The following NRCAM variants were observed in gnomAD, a reference collection of about 807,000 sequenced individuals.
The protein encoded by NRCAM is neuronal cell adhesion molecule.
In NRCAM, 83 loss-of-function variants were observed where a neutral mutation model predicts 156.5. The observed-to-expected ratio is 0.53, with a 90% CI of 0.44 to 0.64. The LOEUF (loss-of-function observed/expected upper bound fraction) is 0.64. Ranked by LOEUF, NRCAM falls within the 30% of genes least tolerant of loss-of-function variation. The probability of loss-of-function intolerance (pLI) is 0.00; values close to 1 mark genes in which losing one functional copy is unlikely to be tolerated. For synonymous variants in NRCAM, 538 were observed against 563.9 expected (o/e 0.95, Z 0.65); for missense variants, 1,417 against 1,597.3 (o/e 0.89, Z 1.92).
rs2065476783 is a variant in NRCAM at position 108,184,448 on chromosome 7, C to T, written c.2202G>A (p.Glu734=). The T allele has an allele frequency of 6.8e-6, 11 of 1,614,182 alleles. No individual in the cohort carries two copies. The highest frequency in any genetic ancestry group is 9.3e-6 in the Non-Finnish European group (11 of 1,180,036). The change falls in exon 21 of 33, where the codon GAG becomes GAA. Residue 734 remains glutamate, a synonymous_variant. Coordinates refer to ENST00000379028, the MANE Select transcript of NRCAM (RefSeq NM_001037132.4). ...CTTTCGTCAAATACTGCTCAGACGC[C>T]TCGCTGGGCAAGCTCTTCCCAATGC... The part of the protein sequence containing the change: ...VNSIGKSLPS[E]ASEQYLTKAS...
chr7:108,295,899 G>A (rs1021250407), intron 3 of NRCAM, among the ~76,000 whole-genome samples: 12 of 152,146 alleles, frequency 7.9e-5, no homozygotes, highest in Non-Finnish European at 1.3e-4. Context: ...TGAGGAACAG[G>A]GGCTCTGGAG....
intron 2 of NRCAM, among the ~76,000 whole-genome samples, chr7:108,395,210 C>T (rs2099773477): frequency 6.6e-6 from 1 of 152,226 alleles, no homozygotes; most frequent in South Asian, 2.1e-4. Flanking sequence ...TCACCATTCT[C>T]ATTTTCATGA....
intron 3 of NRCAM, among the ~76,000 whole-genome samples, chr7:108,259,731 A>T (rs1339462869): frequency 1.3e-5 from 2 of 152,238 alleles, no homozygotes; most frequent in Non-Finnish European, 2.9e-5. Context: ...TCCTCAGTAA[A>T]CTACTGCAGG....
At chr7:108,176,210 A>G (rs77261301) in intron 27 of NRCAM, among the ~76,000 whole-genome samples, 7,856 of 152,264 alleles carry the variant, frequency 0.052, 261 homozygotes, top group Middle Eastern at 0.085. Flanking sequence ...CCACACTAAG[A>G]TTTTAATGTA....
At position 108,181,930 on chromosome 7, in the gene NRCAM, C is replaced by A; in HGVS notation, c.2538G>T (p.Met846Ile). ...TCACACGCACGTTCCCAGGAGCCAC[C>A]ATTGGGACTAGGAAAAGGACAGGGA... ...VMGHSGEDLPMVAPGNVRVNV... is the reference protein window; with the variant it reads ...VMGHSGEDLPIVAPGNVRVNV... The change falls in exon 24 of 33, where the codon ATG (methionine) becomes ATT (isoleucine). Residue 846 changes from methionine to isoleucine, a missense_variant. Physicochemically the swap from Met to Ile is conservative, Grantham distance 10. Coordinates refer to ENST00000379028, the MANE Select transcript of NRCAM (RefSeq NM_001037132.4). 6.2e-7 allele frequency: 1 copy of A among 1,612,028 alleles called. No individual in the cohort carries two copies. Among genetic ancestry groups the A allele is most frequent in the Non-Finnish European group, 8.5e-7 (1 of 1,178,262 alleles).
intron 2 of NRCAM, among the ~76,000 whole-genome samples, chr7:108,333,114 A>T (rs532319868): frequency 1.3e-5 from 2 of 152,252 alleles, no homozygotes; most frequent in Admixed American, 1.3e-4. Flanking sequence ...AGAGCAAATA[A>T]TTTCCATTTA....
chr7:108,302,888 CAT>C (rs2098649592), intron 3 of NRCAM, among the ~76,000 whole-genome samples: 1 of 152,162 alleles, frequency 6.6e-6, no homozygotes, highest in African/African-American at 2.4e-5. Context: ...CACAATTAGA[CAT>C]ATTTTAAACA....
intron 3 of NRCAM, among the ~76,000 whole-genome samples, chr7:108,280,447 T>C (rs1269675): frequency 5.3e-5 from 8 of 152,240 alleles, no homozygotes; most frequent in Non-Finnish European, 7.3e-5. Context: ...TGCTATTCAA[T>C]TGTGCTACAA....
Position 108,232,322 on chromosome 7 carries a change from T to C in NRCAM, c.427+4A>G. ...GTCATGTTGGTTGACAAGTTTCCAC[T>C]TACTGGATGGGCGGACAACAATGTT... On this transcript the variant is annotated splice_donor_region_variant and intron_variant, in intron 7 of 32. Transcript: ENST00000379028. 6.3e-7 allele frequency: 1 copy of C among 1,592,034 alleles called. No individual in the cohort carries two copies. Among genetic ancestry groups the C allele is most frequent in the Non-Finnish European group, 8.5e-7 (1 of 1,170,868 alleles).
intron 4 of NRCAM, among the ~76,000 whole-genome samples, chr7:108,238,422 G>A (rs931291994): frequency 1.3e-5 from 2 of 152,172 alleles, no homozygotes; most frequent in African/African-American, 4.8e-5. Context: ...AATAGGGGCA[G>A]GGAAGAAATT....
At position 108,240,019 on chromosome 7, in the gene NRCAM, T is replaced by G. The variant is rs759686881; in HGVS notation, c.46A>C (p.Arg16=). 3.2e-5 allele frequency: 52 copies of G among 1,613,366 alleles called. 1 individual carries two copies. In the South Asian group the frequency reaches 4.7e-4, roughly 15 times the overall value. ...MPKKKRLSAG[R]VPLILFLCQM... ...CACAGGAAGAGAATCAGGGGCACTC[T>G]GCCCGCAGATAAGCGCTTCTTTTTC... Residue 16 remains arginine, a synonymous_variant, in exon 4 of 33, where the codon AGA becomes CGA. Coordinates refer to ENST00000379028, the MANE Select transcript of NRCAM (RefSeq NM_001037132.4).
intron 3 of NRCAM, among the ~76,000 whole-genome samples, chr7:108,242,541 T>C (rs529861057): frequency 2.6e-5 from 4 of 152,318 alleles, no homozygotes; most frequent in African/African-American, 7.2e-5. Flanking sequence ...TCGTGAGTTT[T>C]TGGTTGAAAC....
intron 1 of NRCAM, among the ~76,000 whole-genome samples, chr7:108,409,620 AAG>A: frequency 6.6e-6 from 1 of 152,324 alleles, no homozygotes; most frequent in Non-Finnish European, 1.5e-5. Context: ...TCAGGGGTCC[AAG>A]ACCCCATTTT....
intron 2 of NRCAM, among the ~76,000 whole-genome samples, chr7:108,343,861 C>A (rs1401825520): frequency 6.6e-6 from 1 of 152,174 alleles, no homozygotes; most frequent in African/African-American, 2.4e-5. Context: ...ATTTCAATCA[C>A]CATACATTTC....
chr7:108,300,458 C>T (rs746893404), intron 3 of NRCAM, among the ~76,000 whole-genome samples: 2 of 151,996 alleles, frequency 1.3e-5, no homozygotes, highest in African/African-American at 2.4e-5. Context: ...CATGCATACA[C>T]AAACAAACAG....
chr7:108,435,729 T>C (rs1432007293), intron 1 of NRCAM, among the ~76,000 whole-genome samples: 1 of 152,182 alleles, frequency 6.6e-6, no homozygotes, highest in Non-Finnish European at 1.5e-5. Flanking sequence ...AACCTGCACA[T>C]GTACCCCTGA....
rs563460980 is a variant in NRCAM, at chr7:108,283,321, T to C, written c.-107+29344A>G. ...GTGTGCTTTGCAACTAAGCAGAAAG[T>C]ACAATTACATGAGTGATCATAATAT... On this transcript the variant is annotated intron_variant, in intron 3 of 32. Coordinates refer to ENST00000379028, the MANE Select transcript of NRCAM (RefSeq NM_001037132.4). 2.0e-5 allele frequency among the ~76,000 whole-genome samples: 3 copies of C among 152,338 alleles called. No homozygotes were observed. In the South Asian group the frequency reaches 6.2e-4, roughly 32 times the overall value.
intron 1 of NRCAM, among the ~76,000 whole-genome samples, chr7:108,442,896 A>G (rs1384571094): frequency 6.6e-6 from 1 of 152,246 alleles, no homozygotes; most frequent in Non-Finnish European, 1.5e-5. Context: ...AGAAGCTGCG[A>G]GAATATGCAT....
At position 108,173,208 on chromosome 7, in the gene NRCAM, A is replaced by C. The variant is rs183905688; in HGVS notation, c.3187+2114T>G. On this transcript the variant is annotated intron_variant, in intron 28 of 32. Transcript: ENST00000379028. ...ATCATGCTGGCCAGGCTGGTCTTGA[A>C]CTCCTGACCTCACGTGATCTGCCCG... Among the ~76,000 whole-genome samples, 1,114 of 150,868 alleles carry C rather than the reference A, an allele frequency of 7.4e-3. 17 individuals carry two copies. The highest frequency in any genetic ancestry group is 0.026 in the African/African-American group (1,053 of 41,030).
Sources: allele counts gnomAD v4.1 joint callset (sites outside exome capture counted in the v4.1 genomes callset), GRCh38; gene constraint gnomAD v4.1.1; transcripts MANE v1.5; gene names NCBI Gene and HGNC (gene_info 2026-07-23, HGNC 2026-07-21).